SMAD1: variants seen among roughly 807,000 people sequenced by gnomAD.
SMAD1 encodes SMAD family member 1, also known as MAD, mothers against decapentaplegic homolog 1.
In SMAD1, 6 loss-of-function variants were observed where a neutral mutation model predicts 41.6. The ratio of observed to expected loss-of-function variants is 0.14; its 90% CI spans 0.08 to 0.28. The LOEUF (loss-of-function observed/expected upper bound fraction) is 0.28, where lower values mean the gene tolerates loss of function less well. Ranked by LOEUF, SMAD1 falls within the 10% of genes least tolerant of loss-of-function variation. The pLI is 1.00. For synonymous variants in SMAD1, 206 were observed against 203.2 expected (o/e 1.01, Z -0.12); for missense variants, 379 against 582.6 (o/e 0.65, Z 3.60).
At chr4:145,528,088 C>A (rs867596729) in intron 2 of SMAD1, among the ~76,000 whole-genome samples, 5 of 140,696 alleles carry the variant, frequency 3.6e-5, no homozygotes, top group African/African-American at 1.4e-4. Context: ...CACACACACA[C>A]ACACATACAC....
In SMAD1 at chr4:145,514,596, A is replaced by G; in HGVS notation, c.-18A>G. On this transcript the variant is annotated 5_prime_UTR_variant, in exon 2 of 7. Transcript: ENST00000302085. The surrounding 1 kb of genome is among the most constrained non-coding windows in gnomAD (Gnocchi z 4.7). ...CTTTATTTCACCATATCCAAGGAGT[A>G]TAACTAGTGCTGTCATTATGAATGT... is the stretch of plus-strand genomic sequence containing the variant. 6.4e-7 allele frequency: 1 copy of G among 1,574,194 alleles called. No homozygotes were observed. The highest frequency in any genetic ancestry group is 8.6e-7 in the Non-Finnish European group (1 of 1,162,912).
chr4:145,558,284 C>CTT lies in SMAD1; in HGVS notation c.*352_*353dup, dbSNP rs1456892534. ...CTAAGAGATTCTTTGGTGTTTGGCA[C>CTT]TTTAAGGTCATCGTTGGGCAGAAGT... On this transcript the variant is annotated 3_prime_UTR_variant, in exon 7 of 7. Transcript: ENST00000302085. Among the ~76,000 whole-genome samples, 1 of 152,096 alleles carries CTT rather than the reference C, an allele frequency of 6.6e-6. No individual in the cohort carries two copies. The highest frequency in any genetic ancestry group is 1.9e-4 in the East Asian group (1 of 5,200).
chr4:145,536,246 G>C (rs191256194), intron 2 of SMAD1, among the ~76,000 whole-genome samples: 308 of 152,104 alleles, frequency 2.0e-3, no homozygotes, highest in Middle Eastern at 0.017. Flanking sequence ...CACACACACA[G>C]GGCTTAGAAT....
chr4:145,554,079 A>G, intron 6 of SMAD1, 39 bp downstream of exon 6: 3 of 1,516,604 alleles, frequency 2.0e-6, no homozygotes, highest in Non-Finnish European at 2.6e-6. Flanking sequence ...GGCCTAACAT[A>G]CTTTTGCTGT....
At chr4:145,540,156 T>C in intron 3 of SMAD1, 95 bp downstream of exon 3, 1 of 1,425,220 alleles carries the variant, frequency 7.0e-7, no homozygotes, top group South Asian at 1.2e-5. Context: ...TGGAGGGAGG[T>C]TTTCAGCCCT....
chr4:145,547,122 C>T (rs189045488), intron 5 of SMAD1, among the ~76,000 whole-genome samples, 198 bp downstream of exon 5: 1 of 152,256 alleles, frequency 6.6e-6, no homozygotes, highest in African/African-American at 2.4e-5. Context: ...TCGATCAACT[C>T]ATAATATTGA....
At chr4:145,530,291 A>C (rs1490103054) in intron 2 of SMAD1, among the ~76,000 whole-genome samples, 4 of 152,196 alleles carry the variant, frequency 2.6e-5, no homozygotes, top group Admixed American at 6.5e-5. Context: ...TGCTGTTAGA[A>C]CTGAGACTTG....
intron 5 of SMAD1, among the ~76,000 whole-genome samples, chr4:145,550,812 A>G (rs1259323326): frequency 6.6e-6 from 1 of 152,210 alleles, no homozygotes; most frequent in Admixed American, 6.5e-5. Context: ...AGTTTCTTGG[A>G]AATAATCTGA....
rs970532260 is a variant in SMAD1 at position 145,518,349 on chromosome 4, C to G, written c.400+3336C>G. Among the ~76,000 whole-genome samples, 3 of 124,604 alleles carry G rather than the reference C, an allele frequency of 2.4e-5. 1 individual carries two copies. Among genetic ancestry groups the G allele is most frequent in the African/African-American group, 7.7e-5 (3 of 39,054 alleles). The allele number at this position is 124,604 out of a possible 152,430, so 81.7% of individuals were successfully genotyped here. On this transcript the variant is annotated intron_variant, in intron 2 of 6. Coordinates refer to ENST00000302085, the MANE Select transcript of SMAD1 (RefSeq NM_005900.3). ...ACTAAAAATACAAAAATAAGCCTGG[C>G]GAGGTGGGGGGCGCCTGTAATCCCA...
intron 5 of SMAD1, among the ~76,000 whole-genome samples, chr4:145,551,894 A>T (rs1365705139): frequency 6.6e-6 from 1 of 152,216 alleles, no homozygotes; most frequent in Admixed American, 6.5e-5. Flanking sequence ...TCTCCTAAGG[A>T]TATTATCAAA....
rs1279052569 is a variant in SMAD1 at position 145,558,566 on chromosome 4, G to C, written c.*632G>C. The stretch of plus-strand genomic sequence containing the variant: ...ACAGAGTATTTGGAAGTTAAGAATT[G>C]ATTAGACTAGTGAATTTAGGAGTAT... On this transcript the variant is annotated 3_prime_UTR_variant, in exon 7 of 7. Transcript: ENST00000302085. Among the ~76,000 whole-genome samples the C allele has an allele frequency of 6.6e-6, 1 of 152,164 alleles. No individual in the cohort carries two copies. Among genetic ancestry groups the C allele is most frequent in the East Asian group, 1.9e-4 (1 of 5,196 alleles).
chr4:145,535,984 CAA>C (rs143317658), intron 2 of SMAD1, among the ~76,000 whole-genome samples: 29 of 112,986 alleles, frequency 2.6e-4, no homozygotes, highest in Admixed American at 2.7e-4. Context: ...CTTAGTATAC[CAA>C]AAAAAAAAAA....
chr4:145,535,471 T>A (rs1731559282), intron 2 of SMAD1, among the ~76,000 whole-genome samples: 1 of 152,240 alleles, frequency 6.6e-6, no homozygotes, highest in Non-Finnish European at 1.5e-5. Context: ...CCTTTGGTGT[T>A]GTTATCTGTC....
chr4:145,501,636 T>C (rs1465421730), intron 1 of SMAD1, among the ~76,000 whole-genome samples: 1 of 142,230 alleles, frequency 7.0e-6, no homozygotes, highest in African/African-American at 3.1e-5. Flanking sequence ...GCAGGATTTT[T>C]GTTTCTTTTT....
At chr4:145,500,608 T>G (rs1212129833) in intron 1 of SMAD1, among the ~76,000 whole-genome samples, 2 of 152,148 alleles carry the variant, frequency 1.3e-5, no homozygotes, top group African/African-American at 4.8e-5. Context: ...AGAAACAGAC[T>G]TTGAAAAACT....
At chr4:145,551,662 ACG>A (rs1281762736) in intron 5 of SMAD1, among the ~76,000 whole-genome samples, 2 of 152,226 alleles carry the variant, frequency 1.3e-5, no homozygotes, top group Admixed American at 1.3e-4. Context: ...CTAATAAACT[ACG>A]AGAGCATATC....
At chr4:145,551,284 G>C (rs749180439) in intron 5 of SMAD1, among the ~76,000 whole-genome samples, 9 of 152,144 alleles carry the variant, frequency 5.9e-5, no homozygotes, top group Non-Finnish European at 1.2e-4. Flanking sequence ...GTTAGCGTTT[G>C]GGTGAGGCTG....
chr4:145,555,201 A>ATGT (rs1245006799), intron 6 of SMAD1, among the ~76,000 whole-genome samples: 2 of 152,190 alleles, frequency 1.3e-5, no homozygotes, highest in African/African-American at 4.8e-5. Context: ...GTTAACCTAT[A>ATGT]TGTTATGTAC....
At chr4:145,538,416 T>C (rs900296382) in intron 2 of SMAD1, among the ~76,000 whole-genome samples, 2 of 152,172 alleles carry the variant, frequency 1.3e-5, no homozygotes, top group African/African-American at 4.8e-5. Context: ...AAGGATCAAA[T>C]AGGGAAATAA....
Sources: allele counts gnomAD v4.1 joint callset (sites outside exome capture counted in the v4.1 genomes callset), GRCh38; gene constraint gnomAD v4.1.1; non-coding constraint Gnocchi (gnomAD v3.1); transcripts MANE v1.5; gene names NCBI Gene and HGNC (gene_info 2026-07-23, HGNC 2026-07-21).